POU6F2: variants seen among roughly 807,000 people sequenced by gnomAD.
The protein encoded by POU6F2 is POU class 6 homeobox 2, also known as POU domain, class 6, transcription factor 2.
In POU6F2, 31 loss-of-function variants were observed where a neutral mutation model predicts 71.3. The ratio of observed to expected loss-of-function variants is 0.43; its 90% confidence interval spans 0.33 to 0.59. The LOEUF (loss-of-function observed/expected upper bound fraction) is 0.59. POU6F2 is among the 20% of genes least tolerant of loss of function. The pLI is 0.04. For synonymous variants in POU6F2, 347 were observed against 355.7 expected (o/e 0.98, Z 0.27); for missense variants, 783 against 856.8 (o/e 0.91, Z 1.07).
At chr7:39,308,707 T>C (rs529219054) in intron 4 of POU6F2, among the ~76,000 whole-genome samples, 1 of 152,272 alleles carries the variant, frequency 6.6e-6, no homozygotes, top group African/African-American at 2.4e-5. Context: ...TGGAGGCCAT[T>C]GCTCCTGGGG....
intron 1 of POU6F2, among the ~76,000 whole-genome samples, chr7:39,054,829 A>G (rs916418385): frequency 4.6e-5 from 7 of 151,848 alleles, no homozygotes; most frequent in African/African-American, 1.7e-4. Flanking sequence ...CATGTCTCAC[A>G]CACTTATTCA....
chr7:39,225,994 A>G (rs968040949), intron 4 of POU6F2, among the ~76,000 whole-genome samples: 3 of 151,748 alleles, frequency 2.0e-5, no homozygotes, highest in Non-Finnish European at 2.9e-5. Flanking sequence ...AAAAACCAAC[A>G]TTTTTCTAAT....
At chr7:39,005,327 G>A (rs1297730375) in intron 1 of POU6F2, 1 of 152,176 alleles carries the variant, frequency 6.6e-6, no homozygotes, top group Non-Finnish European at 1.5e-5. Context: ...ATTTCCACGG[G>A]AACATTGTGG....
chr7:39,181,694 G>A (rs570392873), intron 2 of POU6F2, among the ~76,000 whole-genome samples: 1 of 152,160 alleles, frequency 6.6e-6, no homozygotes, highest in East Asian at 1.9e-4. Flanking sequence ...TGTCTAAAAC[G>A]TCACAACCAC....
At chr7:39,114,238 TG>T (rs1791881869) in intron 2 of POU6F2, among the ~76,000 whole-genome samples, 1 of 152,198 alleles carries the variant, frequency 6.6e-6, no homozygotes, top group Non-Finnish European at 1.5e-5. Context: ...GTGATGGTTA[TG>T]GTAGTCATGA....
intron 4 of POU6F2, among the ~76,000 whole-genome samples, chr7:39,226,445 G>A (rs1288387297): frequency 1.3e-5 from 2 of 152,080 alleles, no homozygotes; most frequent in African/African-American, 4.8e-5. Flanking sequence ...GTTATTAGAA[G>A]AACATCAAAT....
intron 2 of POU6F2, among the ~76,000 whole-genome samples, chr7:39,191,830 A>G (rs369167033): frequency 6.6e-6 from 1 of 152,334 alleles, no homozygotes; most frequent in African/African-American, 2.4e-5. Context: ...AATTATAGTA[A>G]TGTGAAGAAA....
At chr7:39,376,350 A>G (rs1489624088) in intron 5 of POU6F2, among the ~76,000 whole-genome samples, 1 of 152,216 alleles carries the variant, frequency 6.6e-6, no homozygotes, top group Non-Finnish European at 1.5e-5. Context: ...TGCTAAAATT[A>G]AGTATGAAAA....
chr7:39,106,144 T>C (rs182606557), intron 2 of POU6F2, among the ~76,000 whole-genome samples: 84 of 152,350 alleles, frequency 5.5e-4, no homozygotes, highest in African/African-American at 2.0e-3. Context: ...CTTTACTGTT[T>C]CCAGATGTTT....
chr7:39,107,738 T>C (rs1490647530), intron 2 of POU6F2, among the ~76,000 whole-genome samples: 1 of 152,110 alleles, frequency 6.6e-6, no homozygotes, highest in Non-Finnish European at 1.5e-5. Context: ...CCTTGGGCCC[T>C]TGTCCTCTCT....
intron 5 of POU6F2, among the ~76,000 whole-genome samples, chr7:39,390,447 G>A (rs964242335): frequency 1.3e-5 from 2 of 152,180 alleles, no homozygotes; most frequent in Admixed American, 1.3e-4. Flanking sequence ...GTAAGGCAAG[G>A]CAGATGTGTT....
intron 7 of POU6F2, among the ~76,000 whole-genome samples, chr7:39,436,700 T>C (rs60259745): frequency 0.34 from 51,178 of 151,988 alleles, 9,630 homozygotes; most frequent in East Asian, 0.58. Flanking sequence ...TGTCTTGTAC[T>C]AGTTTTCAAA....
intron 2 of POU6F2, among the ~76,000 whole-genome samples, chr7:39,158,956 G>A (rs867020573): frequency 2.0e-5 from 3 of 152,068 alleles, no homozygotes; most frequent in Middle Eastern, 3.4e-3. Context: ...CGGATCACTT[G>A]AGCTCAGGAG....
intron 5 of POU6F2, among the ~76,000 whole-genome samples, chr7:39,386,164 A>G (rs942129488): frequency 1.3e-5 from 2 of 150,426 alleles, no homozygotes; most frequent in African/African-American, 4.9e-5. Context: ...TTTACAGACC[A>G]TTCTGGCTCC....
chr7:39,074,210 G>A (rs1383030771), intron 1 of POU6F2, among the ~76,000 whole-genome samples: 1 of 152,206 alleles, frequency 6.6e-6, no homozygotes, highest in East Asian at 1.9e-4. Context: ...TTAGCTGGGC[G>A]TAATGGCTCA....
intron 2 of POU6F2, among the ~76,000 whole-genome samples, chr7:39,165,905 T>C (rs1330508178): frequency 6.6e-6 from 1 of 152,224 alleles, no homozygotes; most frequent in Non-Finnish European, 1.5e-5. Context: ...TCCAAATCCA[T>C]GTAGTACATT....
In POU6F2 at chr7:39,412,009, TA is replaced by T. The variant is rs149999142; in HGVS notation, c.1113+5271del. ...ATGGAGATGTTGCTCTGGGTTGTAA[TA>T]AGACAAATAACATCTCCAGAGAGCA... is the stretch of plus-strand genomic sequence containing the variant. On this transcript the variant is annotated intron_variant, in intron 6 of 9. Transcript: ENST00000518318. Among the ~76,000 whole-genome samples, 1,488 of 152,312 alleles carry T rather than the reference TA, an allele frequency of 9.8e-3. 18 individuals are homozygous for T. The highest frequency in any genetic ancestry group is 0.034 in the African/African-American group (1,430 of 41,564).
chr7:39,334,502 A>T (rs889965053), intron 4 of POU6F2, among the ~76,000 whole-genome samples: 2 of 151,918 alleles, frequency 1.3e-5, no homozygotes, highest in Admixed American at 6.6e-5. Context: ...TGAATCTAAA[A>T]TTTGAAAAAT....
chr7:39,166,571 CTG>C lies in POU6F2; in HGVS notation c.278-37662_278-37661del, dbSNP rs200121282. 3.0e-3 allele frequency among the ~76,000 whole-genome samples: 462 copies of C among 152,300 alleles called. 10 individuals are homozygous for C. Among genetic ancestry groups the C allele is most frequent in the Admixed American group, 0.028 (430 of 15,296 alleles). ...TGACAAAGCCCAAGTGTCAGCCTGACTGTTATCTGTGAAAGCCGGAGCCTGTC... is the reference window on the plus strand; with the variant it reads ...TGACAAAGCCCAAGTGTCAGCCTGACTTATCTGTGAAAGCCGGAGCCTGTC... On this transcript the variant is annotated intron_variant, in intron 2 of 9. Coordinates refer to ENST00000518318, the MANE Select transcript of POU6F2 (RefSeq NM_001370959.1).
Sources: allele counts gnomAD v4.1 joint callset (sites outside exome capture counted in the v4.1 genomes callset), GRCh38; gene constraint gnomAD v4.1.1; transcripts MANE v1.5; gene names NCBI Gene and HGNC (gene_info 2026-07-23, HGNC 2026-07-21).